Variants in IFI27L1 observed in about 807,000 individuals in gnomAD.
IFI27L1 encodes the protein interferon alpha-inducible protein 27-like protein 1.
IFI27L1 carries 3 observed loss-of-function variants against 9.2 expected under a neutral mutation model. That is an observed-to-expected ratio of 0.32 (90% CI 0.15 to 0.84). The LOEUF is 0.84. Among genes scored for constraint, IFI27L1 ranks in the 40% least tolerant of loss-of-function variants. The pLI, the probability that IFI27L1 is intolerant of heterozygous loss-of-function variation, is 0.56. For synonymous variants in IFI27L1, 53 were observed against 50.0 expected (o/e 1.06, Z -0.26); for missense variants, 133 against 134.2 (o/e 0.99, Z 0.05).
intron 1 of IFI27L1, among the ~76,000 whole-genome samples, chr14:94,089,527 G>A (rs778275902): frequency 1.4e-4 from 22 of 152,174 alleles, no homozygotes; most frequent in Non-Finnish European, 2.6e-4. Context: ...CACCGTCTTG[G>A]TTTTGGTGGG....
rs952092983 is a variant in IFI27L1 at position 94,102,524 on chromosome 14, G to A, written c.271G>A (p.Gly91Arg). The A allele has an allele frequency of 6.3e-7, 1 of 1,592,600 alleles. No individual in the cohort carries two copies. Among genetic ancestry groups the A allele is most frequent in the Non-Finnish European group, 8.6e-7 (1 of 1,168,830 alleles). ...ATCTAAAGTTATCGGGGGCTTTGCTGGGACAGCTCTTGGGGCCTGGCTGGG... is the reference window on the plus strand; with the variant it reads ...ATCTAAAGTTATCGGGGGCTTTGCTAGGACAGCTCTTGGGGCCTGGCTGGG... ...VTSKVIGGFA[G>R]TALGAWLGSP... The change falls in exon 5 of 5, where the codon GGG (glycine) becomes AGG (arginine). Residue 91 changes from glycine (G) to arginine (R), a missense_variant. Transcript: ENST00000555523.
In IFI27L1 at chr14:94,092,025, C is replaced by T. The variant is rs538776193; in HGVS notation, c.-51-4862C>T. Among the ~76,000 whole-genome samples the T allele has an allele frequency of 5.1e-4, 77 of 151,622 alleles. 1 individual carries two copies. The highest frequency in any genetic ancestry group is 2.3e-3 in the South Asian group (11 of 4,812). On this transcript the variant is annotated intron_variant, in intron 1 of 4. Coordinates refer to ENST00000555523, the MANE Select transcript of IFI27L1 (RefSeq NM_206949.3). ...CCTGTAATCCCAGCTACTTGGGAGG[C>T]TGAGTCAGGAGAATCGCTTGAACCT...
chr14:94,100,506 G>A, intron 2 of IFI27L1: 1 of 985,440 alleles, frequency 1.0e-6, no homozygotes. Context: ...CTGGGCAGAG[G>A]AGACAGGTGA....
intron 1 of IFI27L1, among the ~76,000 whole-genome samples, chr14:94,084,646 G>A (rs1595386410): frequency 6.6e-6 from 1 of 152,182 alleles, no homozygotes; most frequent in East Asian, 1.9e-4. Flanking sequence ...TATTACAGAA[G>A]CGAGAAACAA....
In IFI27L1 at chr14:94,096,884, C is replaced by T. The variant is rs923202760; in HGVS notation, c.-51-3C>T. 1 of 1,575,106 alleles carries T rather than the reference C, an allele frequency of 6.3e-7. No individual in the cohort carries two copies. The highest frequency in any genetic ancestry group is 1.3e-5 in the African/African-American group (1 of 74,390). ...CTGAATAAAGTCAAAACTCAACCAA[C>T]AGGTGGAAGTCCAAGAATCCGAGTG... is the stretch of plus-strand genomic sequence containing the variant. On this transcript the variant is annotated splice_region_variant and splice_polypyrimidine_tract_variant and intron_variant, in intron 1 of 4. Transcript: ENST00000555523.
chr14:94,102,109 C>T (rs1007641467), intron 4 of IFI27L1, 134 bp downstream of exon 4: 1 of 935,698 alleles, frequency 1.1e-6, no homozygotes, highest in African/African-American at 1.6e-5. Flanking sequence ...TCACTGTCCC[C>T]TCTTCTGGTT....
At position 94,088,422 on chromosome 14, in the gene IFI27L1, A is replaced by T. The variant is rs1458352335; in HGVS notation, c.-52+6973A>T. 4.4e-6 allele frequency: 3 copies of T among 683,698 alleles called. No homozygotes were observed. The Admixed American group carries it at 6.1e-5, about 14-fold the overall frequency. The allele number at this position is 683,698 out of a possible 1,614,324, so 42.4% of individuals were successfully genotyped here. On this transcript the variant is annotated intron_variant, in intron 1 of 4. Transcript: ENST00000555523. ...GAAGCATTCTTGGTGGCCCACTTTT[A>T]GGGTGGAGCCACATTCTGGGGTTGG... is the stretch of plus-strand genomic sequence containing the variant.
chr14:94,097,112 C>T (rs547332954), intron 2 of IFI27L1, 147 bp downstream of exon 2: 66 of 650,524 alleles, frequency 1.0e-4, no homozygotes, highest in Non-Finnish European at 1.3e-4. Flanking sequence ...GAATGAATGA[C>T]GGGATTTTTA....
intron 1 of IFI27L1, among the ~76,000 whole-genome samples, chr14:94,086,429 AC>A (rs1567066557): frequency 6.6e-6 from 1 of 152,212 alleles, no homozygotes; most frequent in Non-Finnish European, 1.5e-5. Context: ...GTCTTCCTTT[AC>A]CAGTGTTTTG....
intron 1 of IFI27L1, among the ~76,000 whole-genome samples, chr14:94,084,358 C>T (rs1259422152): frequency 6.6e-6 from 1 of 152,170 alleles, no homozygotes; most frequent in Non-Finnish European, 1.5e-5. Flanking sequence ...AAAAATTAAC[C>T]AGGCTTGGTG....
intron 1 of IFI27L1, chr14:94,088,187 G>T: frequency 1.4e-6 from 1 of 697,986 alleles, no homozygotes; most frequent in Non-Finnish European, 2.6e-6. Flanking sequence ...AAGGGACACA[G>T]GGGCTGTGCT....
At chr14:94,101,021 C>T (rs1049186176) in intron 3 of IFI27L1, 14 of 598,862 alleles carry the variant, frequency 2.3e-5, no homozygotes, top group Admixed American at 5.9e-5. Context: ...CATGCAACCC[C>T]GGATGAGTCA....
In IFI27L1 at chr14:94,081,313, G is replaced by A. The variant is rs1201130430; in HGVS notation, c.-188G>A. 6.6e-6 allele frequency: 1 copy of A among 152,308 alleles called. No individual in the cohort carries two copies. The highest frequency in any genetic ancestry group is 1.5e-5 in the Non-Finnish European group (1 of 68,090). The allele number at this position is 152,308 out of a possible 1,614,324, so 9.4% of individuals were successfully genotyped here. A position where few individuals can be genotyped will look rare whatever the true frequency, so the allele number is the denominator to read the frequency against. The stretch of plus-strand genomic sequence containing the variant: ...TGGCTGCCTCGCGGACCGCAGCAGT[G>A]CCGGCGGGAGAGCTGGCTTGGGGCG... On this transcript the variant is annotated 5_prime_UTR_variant, in exon 1 of 5. Transcript: ENST00000555523.
intron 1 of IFI27L1, among the ~76,000 whole-genome samples, chr14:94,085,049 G>A (rs763247008): frequency 1.3e-5 from 2 of 152,184 alleles, no homozygotes; most frequent in Non-Finnish European, 2.9e-5. Context: ...ATGTGTCCCA[G>A]TTTCCAAGGG....
At chr14:94,084,958 G>A (rs186640704) in intron 1 of IFI27L1, among the ~76,000 whole-genome samples, 1 of 151,966 alleles carries the variant, frequency 6.6e-6, no homozygotes, top group Non-Finnish European at 1.5e-5. Flanking sequence ...TCCAATGCCA[G>A]TATACTCAGC....
rs985668713 is a variant in IFI27L1 at position 94,090,114 on chromosome 14, G to T, written c.-51-6773G>T. Among the ~76,000 whole-genome samples the T allele has an allele frequency of 2.0e-5, 3 of 152,168 alleles. No individual in the cohort carries two copies. The South Asian group carries it at 6.2e-4, about 31-fold the overall frequency. On this transcript the variant is annotated intron_variant, in intron 1 of 4. Transcript: ENST00000555523. The stretch of plus-strand genomic sequence containing the variant: ...CTTTCCAGGAACTGGGCAATTGTTG[G>T]AACCAAGCTGATATGGGGGTCTCTA...
chr14:94,095,057 C>T (rs1340693667), intron 1 of IFI27L1, among the ~76,000 whole-genome samples: 1 of 152,120 alleles, frequency 6.6e-6, no homozygotes, highest in African/African-American at 2.4e-5. Context: ...AATTTAGAGA[C>T]AGGATCTCAC....
intron 1 of IFI27L1, among the ~76,000 whole-genome samples, chr14:94,090,011 A>G (rs1886418221): frequency 6.6e-6 from 1 of 152,258 alleles, no homozygotes; most frequent in African/African-American, 2.4e-5. Flanking sequence ...ATTTCTATAC[A>G]AAGAGTACAA....
Position 94,101,836 on chromosome 14 carries a change from C to G in IFI27L1, c.84C>G (p.Leu28=), listed in dbSNP as rs770713618. Residue 28 remains leucine (L), a synonymous_variant, in exon 4 of 5, where the codon CTC becomes CTG. Coordinates refer to ENST00000555523, the MANE Select transcript of IFI27L1 (RefSeq NM_206949.3). ...CAGTTGTGGCTGTGGGGACTGTGCT[C>G]GTGGCGCTCAGTGCCATGGGCTTCA... ...VGGVVAVGTV[L]VALSAMGFTS... The G allele has an allele frequency of 1.2e-6, 2 of 1,614,248 alleles. No homozygotes were observed. The highest frequency in any genetic ancestry group is 1.7e-6 in the Non-Finnish European group (2 of 1,180,040).
Sources: allele counts gnomAD v4.1 joint callset (sites outside exome capture counted in the v4.1 genomes callset), GRCh38; gene constraint gnomAD v4.1.1; transcripts MANE v1.5; gene names NCBI Gene and HGNC (gene_info 2026-07-23, HGNC 2026-07-21).